The following KAT7 variants were observed in gnomAD, a reference collection of about 807,000 sequenced individuals.
The protein encoded by KAT7 is histone acetyltransferase KAT7.
KAT7 carries 10 observed loss-of-function variants against 82.1 expected under a neutral mutation model. The ratio of observed to expected loss-of-function variants is 0.12; its 90% CI spans 0.08 to 0.21. The LOEUF is 0.21. KAT7 is among the 10% of genes least tolerant of loss of function. KAT7 has a pLI of 1.00. For synonymous variants in KAT7, 250 were observed against 262.5 expected (o/e 0.95, Z 0.46); for missense variants, 378 against 760.9 (o/e 0.50, Z 5.92).
At chr17:49,826,822 G>T (rs2074373967) in intron 14 of KAT7, 23 bp downstream of exon 14, 1 of 1,467,346 alleles carries the variant, frequency 6.8e-7, no homozygotes, top group Non-Finnish European at 9.5e-7. Context: ...TCAGGGGCTT[G>T]CTCATTGCTG....
chr17:49,826,844 A>G lies in KAT7; in HGVS notation c.1734+45A>G, dbSNP rs1240942585. 3.1e-6 allele frequency: 4 copies of G among 1,290,174 alleles called. No individual in the cohort carries two copies. The East Asian group carries it at 7.0e-5, about 23-fold the overall frequency. 79.9% of individuals were successfully genotyped at this position (1,290,174 alleles called of 1,614,324 possible). A position where few individuals can be genotyped will look rare whatever the true frequency, so the allele number is the denominator to read the frequency against. ...CTTGCTCATTGCTGGATGTCCTTCAAGACTTAGCAGAGCAAAGTATGGGCC... is the reference window on the plus strand; with the variant it reads ...CTTGCTCATTGCTGGATGTCCTTCAGGACTTAGCAGAGCAAAGTATGGGCC... On this transcript the variant is annotated intron_variant, in intron 14 of 14. Coordinates refer to ENST00000259021, the MANE Select transcript of KAT7 (RefSeq NM_007067.5).
In KAT7 at chr17:49,831,667, A is replaced by G. The variant is rs1042075241; in HGVS notation, c.*4165A>G. On this transcript the variant is annotated 3_prime_UTR_variant, in exon 15 of 15. Coordinates refer to ENST00000259021, the MANE Select transcript of KAT7 (RefSeq NM_007067.5). ...TGGGGATAATGAGTCATATTAAGTA[A>G]TTTTTTTTTTTGAGACGGAGTTTCG... 6.7e-6 allele frequency: 1 copy of G among 148,210 alleles called. No homozygotes were observed. The highest frequency in any genetic ancestry group is 1.5e-5 in the Non-Finnish European group (1 of 66,834). The allele number at this position is 148,210 out of a possible 1,614,324, so 9.2% of individuals were successfully genotyped here.
Position 49,788,733 on chromosome 17 carries a change from A to G in KAT7, c.-102A>G, listed in dbSNP as rs1317293315. On this transcript the variant is annotated 5_prime_UTR_variant, in exon 1 of 15. Coordinates refer to ENST00000259021, the MANE Select transcript of KAT7 (RefSeq NM_007067.5). ...GGAGGCACTAGGGATCGTCCGCAGG[A>G]TTGGGACTGATACAGAGGCCGCCAC... 1.5e-6 allele frequency: 2 copies of G among 1,324,862 alleles called. No individual in the cohort carries two copies. Among genetic ancestry groups the G allele is most frequent in the Non-Finnish European group, 2.1e-6 (2 of 961,438 alleles). 82.1% of individuals were successfully genotyped at this position (1,324,862 alleles called of 1,614,324 possible).
chr17:49,824,917 A>G (rs924450367), intron 12 of KAT7, among the ~76,000 whole-genome samples: 6 of 151,896 alleles, frequency 4.0e-5, no homozygotes, highest in African/African-American at 9.7e-5. Context: ...GATAAGGTCT[A>G]TTACACCTTA....
chr17:49,833,109 G>A lies in KAT7; in HGVS notation c.*5607G>A, dbSNP rs1048082149. ...AACATCAGTTTGCCCCTAACCTCTT[G>A]TGCAATACCTTTAAGTCCAGGTCAT... On this transcript the variant is annotated 3_prime_UTR_variant, in exon 15 of 15. Coordinates refer to ENST00000259021, the MANE Select transcript of KAT7 (RefSeq NM_007067.5). 1.3e-5 allele frequency: 2 copies of A among 152,152 alleles called. No homozygotes were observed. Among genetic ancestry groups the A allele is most frequent in the Non-Finnish European group, 2.9e-5 (2 of 68,030 alleles). 9.4% of individuals were successfully genotyped at this position (152,152 alleles called of 1,614,324 possible). A position where few individuals can be genotyped will look rare whatever the true frequency, so the allele number is the denominator to read the frequency against.
intron 12 of KAT7, chr17:49,824,424 A>G (rs996545893): frequency 1.3e-5 from 2 of 152,198 alleles, no homozygotes; most frequent in African/African-American, 2.4e-5. Context: ...CAATGGCCCA[A>G]TGTTGGCTCA....
At chr17:49,807,962 T>C (rs2074112069) in intron 5 of KAT7, among the ~76,000 whole-genome samples, 1 of 152,140 alleles carries the variant, frequency 6.6e-6, no homozygotes, top group African/African-American at 2.4e-5. Context: ...CGTTCTGTTT[T>C]GACCATTCTG....
chr17:49,792,950 T>G (rs1267305266), intron 2 of KAT7, among the ~76,000 whole-genome samples: 1 of 152,122 alleles, frequency 6.6e-6, no homozygotes, highest in Non-Finnish European at 1.5e-5. Flanking sequence ...TAGCTGGGAC[T>G]ACAGGTGCAC....
chr17:49,800,081 G>A (rs1249702313), intron 4 of KAT7, among the ~76,000 whole-genome samples: 1 of 137,556 alleles, frequency 7.3e-6, no homozygotes, highest in East Asian at 2.1e-4. Flanking sequence ...GCGCGATCTC[G>A]GCTCACTGCA....
intron 1 of KAT7, 137 bp downstream of exon 1, chr17:49,788,986 G>C: frequency 1.3e-6 from 1 of 743,390 alleles, no homozygotes; most frequent in Non-Finnish European, 2.0e-6. Flanking sequence ...CCTCTCTTCT[G>C]TCCATACCCA....
At chr17:49,810,341 C>T (rs927445514) in intron 6 of KAT7, among the ~76,000 whole-genome samples, 3 of 152,198 alleles carry the variant, frequency 2.0e-5, no homozygotes, top group Non-Finnish European at 4.4e-5. Context: ...ACTGCAACCT[C>T]CATCTCCCAG....
intron 10 of KAT7, 101 bp from the exon 11 acceptor site, chr17:49,821,549 C>T: frequency 6.6e-7 from 1 of 1,521,388 alleles, no homozygotes; most frequent in Non-Finnish European, 9.1e-7. Flanking sequence ...CCAAAATACA[C>T]AATGTGTTTC....
At chr17:49,803,969 A>C (rs942536232) in intron 4 of KAT7, among the ~76,000 whole-genome samples, 1 of 150,598 alleles carries the variant, frequency 6.6e-6, no homozygotes, top group African/African-American at 2.4e-5. Context: ...TCTCATTAGC[A>C]TTGTCCTATG....
chr17:49,796,869 C>T lies in KAT7; in HGVS notation c.283C>T (p.Arg95Trp), dbSNP rs1272070476. 2 of 1,614,156 alleles carry T rather than the reference C, an allele frequency of 1.2e-6. No individual in the cohort carries two copies. Among genetic ancestry groups the T allele is most frequent in the Admixed American group, 1.7e-5 (1 of 60,010 alleles). The change falls in exon 3 of 15, where the codon CGG (arginine) becomes TGG (tryptophan). Residue 95 changes from arginine (R) to tryptophan (W), a missense_variant. Physicochemically the swap from Arg to Trp is moderately radical, Grantham distance 101 (BLOSUM62 -3). This residue lies in a region of KAT7 where 161 missense variants were observed against 229.6 expected (regional missense o/e 0.70). Transcript: ENST00000259021. ...AGTGACACCGAAAAAATACCCTCTT[C>T]GGCAGACTCGTTCATCTGGTTCAGA... ...TPVTPKKYPLRQTRSSGSETE... is the reference protein window; with the variant it reads ...TPVTPKKYPLWQTRSSGSETE...
intron 4 of KAT7, among the ~76,000 whole-genome samples, chr17:49,805,035 A>G (rs904889512): frequency 6.6e-6 from 1 of 152,218 alleles, no homozygotes; most frequent in African/African-American, 2.4e-5. Flanking sequence ...CATTCCACCA[A>G]AAGAAAGTGT....
At chr17:49,814,296 C>G (rs2074206280) in intron 7 of KAT7, among the ~76,000 whole-genome samples, 1 of 152,102 alleles carries the variant, frequency 6.6e-6, no homozygotes. Context: ...TGTAGTTAGA[C>G]CTTTACACCA....
chr17:49,832,162 G>A lies in KAT7; in HGVS notation c.*4660G>A, dbSNP rs1027973163. ...GTAGAGATGAGGTTTTGCCCTGTTG[G>A]CTAGGTTGGTCTTGAACTCCTGACC... On this transcript the variant is annotated 3_prime_UTR_variant, in exon 15 of 15. Transcript: ENST00000259021. The A allele has an allele frequency of 1.3e-5, 2 of 151,180 alleles. No individual in the cohort carries two copies. Among genetic ancestry groups the A allele is most frequent in the African/African-American group, 4.9e-5 (2 of 40,988 alleles). 9.4% of individuals were successfully genotyped at this position (151,180 alleles called of 1,614,324 possible). A position where few individuals can be genotyped will look rare whatever the true frequency, so the allele number is the denominator to read the frequency against.
intron 9 of KAT7, among the ~76,000 whole-genome samples, chr17:49,818,504 A>AG (rs1228918040): frequency 1.3e-5 from 2 of 152,180 alleles, no homozygotes; most frequent in Non-Finnish European, 2.9e-5. Flanking sequence ...AAAGTAGCAG[A>AG]GTGGGTCCTT....
intron 7 of KAT7, among the ~76,000 whole-genome samples, chr17:49,814,435 G>A (rs952325199): frequency 7.2e-5 from 11 of 152,278 alleles, no homozygotes; most frequent in African/African-American, 2.6e-4. Context: ...CAATGATACC[G>A]TATATTGAGT....
Sources: gnomAD v4.1 joint callset for allele counts (sites outside exome capture counted in the v4.1 genomes callset) on GRCh38, gnomAD v4.1.1 for gene constraint, gnomAD v4.1.1 regional missense constraint, MANE v1.5 for transcripts, NCBI Gene and HGNC (gene_info 2026-07-23, HGNC 2026-07-21) for gene names.